Variants in CRTC1 observed in about 807,000 individuals in gnomAD.
The protein encoded by CRTC1 is CREB-regulated transcription coactivator 1.
CRTC1 carries 18 observed loss-of-function variants against 66.1 expected under a neutral mutation model. The observed-to-expected ratio is 0.27, with a 90% CI of 0.19 to 0.40. CRTC1 has a LOEUF of 0.40. Among genes scored for constraint, CRTC1 ranks in the 10% least tolerant of loss-of-function variants. The probability of loss-of-function intolerance (pLI) is 1.00; values close to 1 mark genes in which losing one functional copy is unlikely to be tolerated. For missense variants in CRTC1, 669 were observed against 887.9 expected (o/e 0.75, Z 3.13); for synonymous variants, 416 against 398.8 (o/e 1.04, Z -0.51).
chr19:18,764,017 GA>G (rs1354370813), intron 8 of CRTC1, among the ~76,000 whole-genome samples: 1 of 152,140 alleles, frequency 6.6e-6, no homozygotes, highest in Non-Finnish European at 1.5e-5. Flanking sequence ...GCTGCCTGGG[GA>G]GCAGTCAACA....
chr19:18,756,403 T>C, intron 6 of CRTC1, among the ~76,000 whole-genome samples: 1 of 149,848 alleles, frequency 6.7e-6, no homozygotes, highest in East Asian at 2.0e-4. Flanking sequence ...TCTCAACACT[T>C]TGGGAGGCTG....
intron 1 of CRTC1, among the ~76,000 whole-genome samples, chr19:18,733,955 A>G (rs1312876915): frequency 6.6e-6 from 1 of 152,128 alleles, no homozygotes; most frequent in African/African-American, 2.4e-5. Flanking sequence ...CTAAAAATAC[A>G]AAAATTCGCC....
Position 18,779,379 on chromosome 19 carries a change from G to A in CRTC1, c.*1997G>A, listed in dbSNP as rs1442643461. On this transcript the variant is annotated 3_prime_UTR_variant, in exon 14 of 14. Coordinates refer to ENST00000321949, the MANE Select transcript of CRTC1 (RefSeq NM_015321.3). ...CTGCTGCCGTCTTGTTCCAAGGTGC[G>A]GGGGGGACACTGTTGGTCTGTCCAG... The A allele has an allele frequency of 6.8e-5, 15 of 220,488 alleles. No homozygotes were observed. Among genetic ancestry groups the A allele is most frequent in the Non-Finnish European group, 1.2e-4 (13 of 109,924 alleles). 13.7% of individuals were successfully genotyped at this position (220,488 alleles called of 1,614,324 possible). A position where few individuals can be genotyped will look rare whatever the true frequency, so the allele number is the denominator to read the frequency against.
intron 1 of CRTC1, among the ~76,000 whole-genome samples, chr19:18,685,379 C>T (rs2052663150): frequency 6.6e-6 from 1 of 152,020 alleles, no homozygotes; most frequent in Non-Finnish European, 1.5e-5. Context: ...AGAAAATGGC[C>T]AGGTGTGGTG....
intron 12 of CRTC1, 61 bp downstream of exon 12, chr19:18,775,047 TC>T: frequency 6.6e-7 from 1 of 1,515,782 alleles, no homozygotes. Flanking sequence ...GCTGGGACCC[TC>T]GCTGGGACCC....
At chr19:18,707,447 C>A (rs1237516892) in intron 1 of CRTC1, among the ~76,000 whole-genome samples, 1 of 152,050 alleles carries the variant, frequency 6.6e-6, no homozygotes. Context: ...TTATTCTATT[C>A]CATTGGTCTT....
intron 1 of CRTC1, among the ~76,000 whole-genome samples, chr19:18,720,528 T>TG (rs1568496787): frequency 7.5e-6 from 1 of 134,160 alleles, no homozygotes; most frequent in Non-Finnish European, 1.6e-5. Flanking sequence ...TTTTAGTGTT[T>TG]TTTTTTTTTT....
At chr19:18,758,168 T>A (rs555733180) in intron 6 of CRTC1, among the ~76,000 whole-genome samples, 107 of 151,368 alleles carry the variant, frequency 7.1e-4, no homozygotes, top group African/African-American at 2.5e-3. Flanking sequence ...GAGACCCTCC[T>A]GGCTAACACG....
chr19:18,733,790 C>G (rs2053940014), intron 1 of CRTC1, among the ~76,000 whole-genome samples: 1 of 152,168 alleles, frequency 6.6e-6, no homozygotes, highest in Non-Finnish European at 1.5e-5. Flanking sequence ...GACCTAAATG[C>G]AAGAGCTAGA....
chr19:18,766,095 A>G (rs186922035), intron 9 of CRTC1, among the ~76,000 whole-genome samples: 5 of 151,902 alleles, frequency 3.3e-5, no homozygotes, highest in African/African-American at 1.2e-4. Flanking sequence ...TTGATGGCAG[A>G]AAATTTTTCA....
chr19:18,742,886 C>T, intron 1 of CRTC1, 24 bp from the exon 2 acceptor site: 8 of 1,575,506 alleles, frequency 5.1e-6, no homozygotes, highest in Non-Finnish European at 7.0e-6. Context: ...ACCCCTCCCG[C>T]AGCTGCTGGC....
intron 1 of CRTC1, among the ~76,000 whole-genome samples, chr19:18,701,209 C>G (rs1600780020): frequency 6.6e-6 from 1 of 152,240 alleles, no homozygotes. Flanking sequence ...CGCGGGCCCG[C>G]CCCCAGAGCC....
intron 1 of CRTC1, among the ~76,000 whole-genome samples, chr19:18,737,954 C>G (rs1464976552): frequency 6.6e-6 from 1 of 152,012 alleles, no homozygotes; most frequent in African/African-American, 2.4e-5. Flanking sequence ...CCAAATCTGT[C>G]TTAATTGACT....
chr19:18,769,150 G>A (rs1458996714), intron 10 of CRTC1, among the ~76,000 whole-genome samples: 1 of 152,248 alleles, frequency 6.6e-6, no homozygotes, highest in East Asian at 1.9e-4. Flanking sequence ...CAGGGCGCAG[G>A]CCGGGGGCCG....
chr19:18,721,175 C>T (rs888235914), intron 1 of CRTC1, among the ~76,000 whole-genome samples: 8 of 151,282 alleles, frequency 5.3e-5, no homozygotes, highest in Admixed American at 1.3e-4. Flanking sequence ...TAAGGCATAC[C>T]CTACTCCAGT....
At chr19:18,693,471 A>C (rs1600754720) in intron 1 of CRTC1, among the ~76,000 whole-genome samples, 1 of 147,722 alleles carries the variant, frequency 6.8e-6, no homozygotes, top group African/African-American at 2.5e-5. Flanking sequence ...AAGGAGCTTA[A>C]CTCTTTTGTT....
At chr19:18,744,597 C>G (rs1367688072) in intron 2 of CRTC1, among the ~76,000 whole-genome samples, 1 of 152,242 alleles carries the variant, frequency 6.6e-6, no homozygotes, top group Non-Finnish European at 1.5e-5. Flanking sequence ...CCGCTTCATT[C>G]TGCCTCTGAC....
intron 7 of CRTC1, 82 bp from the exon 8 acceptor site, chr19:18,759,926 A>AT: frequency 1.0e-6 from 1 of 987,916 alleles, no homozygotes; most frequent in Non-Finnish European, 1.4e-6. Flanking sequence ...GCACCCGCTG[A>AT]TTTTCTCCCG....
At position 18,759,657 on chromosome 19, in the gene CRTC1, T is replaced by G. The variant is rs138756682; in HGVS notation, c.665+66T>G. 553 of 1,547,078 alleles carry G rather than the reference T, an allele frequency of 3.6e-4. 6 individuals carry two copies. In the East Asian group the frequency reaches 0.013, roughly 35 times the overall value. ...GCGCTGCTCCGTCCACCCTGGGGCA[T>G]TCTGTCCACTCTCTTGAGGTTGCAA... On this transcript the variant is annotated intron_variant, in intron 7 of 13. Transcript: ENST00000321949.
Sources: allele counts gnomAD v4.1 joint callset (sites outside exome capture counted in the v4.1 genomes callset), GRCh38; gene constraint gnomAD v4.1.1; transcripts MANE v1.5; gene names NCBI Gene and HGNC (gene_info 2026-07-23, HGNC 2026-07-21).